Variants in NEMF observed in about 807,000 individuals in gnomAD.
The protein encoded by NEMF is ribosome quality control complex subunit NEMF.
NEMF carries 89 observed loss-of-function variants against 162.2 expected under a neutral mutation model. The ratio of observed to expected loss-of-function variants is 0.55; its 90% CI spans 0.46 to 0.65. The LOEUF is 0.65. Among genes scored for constraint, NEMF ranks in the 30% least tolerant of loss-of-function variants. The pLI, the probability that NEMF is intolerant of heterozygous loss-of-function variation, is 0.00. For missense variants in NEMF, 1,133 were observed against 1,261.9 expected (o/e 0.90, Z 1.55); for synonymous variants, 421 against 404.5 (o/e 1.04, Z -0.49).
Position 49,829,091 on chromosome 14 carries a change from A to G in NEMF, c.1195T>C (p.Leu399=), listed in dbSNP as rs369235033. 1.9e-6 allele frequency: 3 copies of G among 1,614,176 alleles called. No homozygotes were observed. ...GDPVASAIKE[L]KLQTNHVTML... ...GTAACATGGTTTGTTTGTAGTTTTA[A>G]TTCTTTGATTGCACTTGCAACAGGG... Residue 399 remains leucine (L), a synonymous_variant, in exon 13 of 33, where the codon TTA becomes CTA. Coordinates refer to ENST00000298310, the MANE Select transcript of NEMF (RefSeq NM_004713.6).
chr14:49,813,647 C>T (rs536445010), intron 18 of NEMF, among the ~76,000 whole-genome samples: 43 of 140,340 alleles, frequency 3.1e-4, no homozygotes, highest in African/African-American at 1.1e-3. Context: ...TTTATCATTA[C>T]ATCTTTTTTT....
intron 16 of NEMF, among the ~76,000 whole-genome samples, chr14:49,815,432 A>G (rs1474438330): frequency 1.3e-5 from 2 of 152,232 alleles, no homozygotes; most frequent in African/African-American, 4.8e-5. Flanking sequence ...TATGACATTT[A>G]GAAAATGACA....
intron 26 of NEMF, 123 bp downstream of exon 26, chr14:49,795,668 A>C (rs979698260): frequency 2.4e-6 from 2 of 840,682 alleles, no homozygotes; most frequent in East Asian, 2.5e-5. Context: ...ACTAATTTTT[A>C]GTCAAAGGAA....
intron 5 of NEMF, among the ~76,000 whole-genome samples, chr14:49,838,499 G>C (rs1432656806): frequency 2.0e-5 from 3 of 151,124 alleles, no homozygotes; most frequent in Admixed American, 6.6e-5. Flanking sequence ...TTCTGTAAAA[G>C]TTAAATGTTT....
chr14:49,814,334 C>A (rs560708303), intron 17 of NEMF, among the ~76,000 whole-genome samples: 6 of 152,124 alleles, frequency 3.9e-5, no homozygotes, highest in Admixed American at 1.3e-4. Flanking sequence ...AACTCCTGAC[C>A]TCAGGTGATC....
intron 28 of NEMF, among the ~76,000 whole-genome samples, chr14:49,788,226 C>G (rs530576503): frequency 2.6e-4 from 34 of 131,128 alleles, no homozygotes; most frequent in Admixed American, 6.7e-4. Context: ...TTGCAGTGAG[C>G]TGAGATTGTG....
chr14:49,829,109 C>A lies in NEMF; in HGVS notation c.1177G>T (p.Ala393Ser). ...KEAQAQGDPV[A>S]SAIKELKLQT... is the part of the protein sequence containing the mutation. ...AGTTTTAATTCTTTGATTGCACTTG[C>A]AACAGGGTCTCCTTGAGCCTGGGCT... is the stretch of plus-strand genomic sequence containing the variant. The change falls in exon 13 of 33, where the codon GCA (alanine) becomes TCA (serine). Residue 393 changes from alanine (A) to serine (S), a missense_variant. By Grantham distance (99) the Ala-to-Ser change is moderately conservative. Coordinates refer to ENST00000298310, the MANE Select transcript of NEMF (RefSeq NM_004713.6). The A allele has an allele frequency of 6.2e-7, 1 of 1,614,170 alleles. No homozygotes were observed. Among genetic ancestry groups the A allele is most frequent in the Non-Finnish European group, 8.5e-7 (1 of 1,180,024 alleles).
At chr14:49,786,431 C>T (rs1890182813) in intron 29 of NEMF, 1 of 381,534 alleles carries the variant, frequency 2.6e-6, no homozygotes, top group Non-Finnish European at 4.7e-6. Context: ...TTGCTATGTG[C>T]CATAAACTTT....
At chr14:49,825,984 ATT>A in intron 15 of NEMF, 29 bp from the exon 16 acceptor site, 1 of 1,472,266 alleles carries the variant, frequency 6.8e-7, no homozygotes, top group Non-Finnish European at 9.4e-7. Flanking sequence ...TTTAAAAACA[ATT>A]TGTTAAGAAT....
Position 49,783,654 on chromosome 14 carries a change from T to C in NEMF, c.*982A>G, listed in dbSNP as rs868799719. The C allele has an allele frequency of 6.6e-6, 1 of 152,122 alleles. No homozygotes were observed. The highest frequency in any genetic ancestry group is 6.5e-5 in the Admixed American group (1 of 15,268). The allele number at this position is 152,122 out of a possible 1,614,324, so 9.4% of individuals were successfully genotyped here. ...AGAGTCTTTAGTGGTAAGCCTAAAA[T>C]GCGCTTCTGGTATTATAGGTTAAGA... On this transcript the variant is annotated 3_prime_UTR_variant, in exon 33 of 33. Transcript: ENST00000298310.
At chr14:49,823,298 T>C (rs887396890) in intron 16 of NEMF, among the ~76,000 whole-genome samples, 12 of 151,770 alleles carry the variant, frequency 7.9e-5, no homozygotes, top group African/African-American at 2.4e-4. Context: ...AGACAGAGAC[T>C]TGCCAAAAAA....
chr14:49,809,635 G>C (rs533590958), intron 18 of NEMF, among the ~76,000 whole-genome samples: 1 of 152,232 alleles, frequency 6.6e-6, no homozygotes, highest in East Asian at 1.9e-4. Flanking sequence ...GGCTGAGGTG[G>C]GCAGAACACT....
At chr14:49,796,022 G>A (rs1431026601) in intron 25 of NEMF, 78 bp from the exon 26 acceptor site, 13 of 1,050,052 alleles carry the variant, frequency 1.2e-5, no homozygotes, top group African/African-American at 3.2e-5. Context: ...CCATGGGGAA[G>A]GCACATATAC....
chr14:49,795,410 A>G (rs1429303174), intron 26 of NEMF, among the ~76,000 whole-genome samples: 1 of 152,180 alleles, frequency 6.6e-6, no homozygotes, highest in Non-Finnish European at 1.5e-5. Flanking sequence ...ATGTTCTATC[A>G]TAAGTACTTC....
chr14:49,805,761 T>G (rs1226377743), intron 19 of NEMF, among the ~76,000 whole-genome samples: 1 of 151,836 alleles, frequency 6.6e-6, no homozygotes, highest in East Asian at 1.9e-4. Flanking sequence ...CATTTACCTC[T>G]CTGCTCAAAT....
chr14:49,829,984 C>T (rs1230107915), intron 11 of NEMF, among the ~76,000 whole-genome samples: 1 of 152,086 alleles, frequency 6.6e-6, no homozygotes, highest in Non-Finnish European at 1.5e-5. Flanking sequence ...CAACTATTTC[C>T]AGTATTTTAC....
chr14:49,843,651 T>C (rs1306358527), intron 4 of NEMF, among the ~76,000 whole-genome samples: 2 of 152,210 alleles, frequency 1.3e-5, no homozygotes, highest in African/African-American at 4.8e-5. Context: ...GCCTAATACA[T>C]CCACCAAAGA....
intron 20 of NEMF, 46 bp from the exon 21 acceptor site, chr14:49,802,773 C>T: frequency 2.0e-6 from 3 of 1,486,180 alleles, no homozygotes; most frequent in Non-Finnish European, 2.8e-6. Context: ...CAGTCTTCTC[C>T]ATTTTTTGCT....
chr14:49,784,216 T>TATAGCAAGGCAATGTTTAGTTCA lies in NEMF; in HGVS notation c.*397_*419dup. The TATAGCAAGGCAATGTTTAGTTCA allele has an allele frequency of 6.5e-6, 1 of 153,264 alleles. No homozygotes were observed. The highest frequency in any genetic ancestry group is 1.4e-5 in the Non-Finnish European group (1 of 69,186). The allele number at this position is 153,264 out of a possible 1,614,324, so 9.5% of individuals were successfully genotyped here. The stretch of plus-strand genomic sequence containing the variant: ...ACAAGAATTAAGTCCTTTTGGTGAA[T>TATAGCAAGGCAATGTTTAGTTCA]ATAGCAAGGCAATGTTTAGTTCATT... On this transcript the variant is annotated 3_prime_UTR_variant, in exon 33 of 33. Coordinates refer to ENST00000298310, the MANE Select transcript of NEMF (RefSeq NM_004713.6).
Sources: gnomAD v4.1 joint callset for allele counts (sites outside exome capture counted in the v4.1 genomes callset) on GRCh38, gnomAD v4.1.1 for gene constraint, MANE v1.5 for transcripts, NCBI Gene and HGNC (gene_info 2026-07-23, HGNC 2026-07-21) for gene names.